Variants in DPP10 observed in about 807,000 individuals in gnomAD.
DPP10 encodes the protein dipeptidyl peptidase like 10, also known as inactive dipeptidyl peptidase 10.
DPP10 carries 33 observed loss-of-function variants against 120.9 expected under a neutral mutation model. That is an observed-to-expected ratio of 0.27 (90% confidence interval 0.21 to 0.37). DPP10 has a LOEUF of 0.37. Among genes scored for constraint, DPP10 ranks in the 10% least tolerant of loss-of-function variants. DPP10 has a pLI of 1.00. For missense variants in DPP10, 816 were observed against 942.8 expected (o/e 0.87, Z 1.76); for synonymous variants, 337 against 326.1 (o/e 1.03, Z -0.36).
chr2:115,289,098 T>C (rs1378399804), intron 1 of DPP10, among the ~76,000 whole-genome samples: 1 of 152,054 alleles, frequency 6.6e-6, no homozygotes, highest in Non-Finnish European at 1.5e-5. Context: ...CAGTAAAGGC[T>C]CGGGTTACAA....
chr2:115,054,721 G>A (rs1367982001), intron 1 of DPP10, among the ~76,000 whole-genome samples: 1 of 152,016 alleles, frequency 6.6e-6, no homozygotes, highest in Non-Finnish European at 1.5e-5. Context: ...GAGCAGCCTG[G>A]CCAATATGCT....
chr2:114,570,090 C>G (rs1299241302), intron 1 of DPP10, among the ~76,000 whole-genome samples: 1 of 152,144 alleles, frequency 6.6e-6, no homozygotes, highest in Non-Finnish European at 1.5e-5. Flanking sequence ...AAGTTTGTCT[C>G]CTTCTCTTCT....
intron 5 of DPP10, among the ~76,000 whole-genome samples, chr2:115,682,974 T>C (rs2090756529): frequency 1.3e-5 from 2 of 151,934 alleles, no homozygotes; most frequent in African/African-American, 4.8e-5. Context: ...TACTTTATTA[T>C]ACATCTTGTG....
chr2:115,586,065 G>A (rs527405566), intron 5 of DPP10, among the ~76,000 whole-genome samples: 2 of 152,278 alleles, frequency 1.3e-5, no homozygotes, highest in Non-Finnish European at 2.9e-5. Flanking sequence ...GCTCACGCCT[G>A]TAATCCCAGC....
chr2:114,532,750 A>C (rs1352280501), intron 1 of DPP10, among the ~76,000 whole-genome samples: 1 of 152,198 alleles, frequency 6.6e-6, no homozygotes, highest in Non-Finnish European at 1.5e-5. Flanking sequence ...AGAGAAGAGA[A>C]ATAGAAGTCT....
intron 1 of DPP10, among the ~76,000 whole-genome samples, chr2:114,849,577 G>A (rs973740777): frequency 2.0e-5 from 3 of 152,082 alleles, no homozygotes; most frequent in Non-Finnish European, 4.4e-5. Flanking sequence ...ACCAGCCTGA[G>A]CAAGACTCAA....
intron 1 of DPP10, among the ~76,000 whole-genome samples, chr2:115,096,938 T>G (rs893505939): frequency 6.6e-6 from 1 of 152,190 alleles, no homozygotes; most frequent in African/African-American, 2.4e-5. Context: ...ATTTCAATCC[T>G]GATAGTAATG....
chr2:115,839,929 T>C (rs1166071582), intron 24 of DPP10, among the ~76,000 whole-genome samples: 2 of 152,098 alleles, frequency 1.3e-5, no homozygotes, highest in Non-Finnish European at 2.9e-5. Flanking sequence ...AGTTAGTCCT[T>C]GTATAATGAG....
chr2:115,537,568 T>TG (rs1575124024), intron 5 of DPP10, among the ~76,000 whole-genome samples: 2 of 150,810 alleles, frequency 1.3e-5, no homozygotes, highest in Admixed American at 6.6e-5. Context: ...TCACTGTTTT[T>TG]TTTTTTTTTT....
intron 5 of DPP10, among the ~76,000 whole-genome samples, chr2:115,685,650 T>C (rs2090948551): frequency 6.6e-6 from 1 of 152,066 alleles, no homozygotes; most frequent in Admixed American, 6.6e-5. Context: ...GACACTCTTA[T>C]TTATCTTATT....
chr2:115,285,414 G>A (rs973107242), intron 1 of DPP10, among the ~76,000 whole-genome samples: 2 of 152,024 alleles, frequency 1.3e-5, no homozygotes, highest in Admixed American at 6.6e-5. Context: ...AGTATACTGG[G>A]ATGGATCATT....
Position 115,139,875 on chromosome 2 carries a change from G to GC in DPP10, c.61-169360dup, listed in dbSNP as rs574393266. ...AACTGACTCTAATGTGTGCTTCTTT[G>GC]CCCCAAACAGTCATAGGGCAGAAGG... On this transcript the variant is annotated intron_variant, in intron 1 of 25. Coordinates refer to ENST00000410059, the MANE Select transcript of DPP10 (RefSeq NM_020868.6). 9.2e-5 allele frequency among the ~76,000 whole-genome samples: 14 copies of GC among 151,926 alleles called. No homozygotes were observed. The East Asian group carries it at 2.5e-3, about 27-fold the overall frequency.
At chr2:115,225,935 C>G (rs2057413313) in intron 1 of DPP10, among the ~76,000 whole-genome samples, 1 of 151,890 alleles carries the variant, frequency 6.6e-6, no homozygotes, top group African/African-American at 2.4e-5. Context: ...CACTGTTTAC[C>G]CCACTCAGTT....
chr2:115,604,785 A>T (rs111719264), intron 5 of DPP10, among the ~76,000 whole-genome samples: 2,112 of 152,292 alleles, frequency 0.014, 22 homozygotes, highest in Middle Eastern at 0.031. Context: ...TGAAAACATA[A>T]GTAGCCACCT....
intron 1 of DPP10, among the ~76,000 whole-genome samples, chr2:114,896,166 G>A (rs1351193796): frequency 1.3e-5 from 2 of 152,154 alleles, no homozygotes; most frequent in African/African-American, 4.8e-5. Context: ...GTCAGGTAGC[G>A]TGATGCCTCC....
At chr2:114,807,087 A>C (rs1254917189) in intron 1 of DPP10, among the ~76,000 whole-genome samples, 1 of 152,222 alleles carries the variant, frequency 6.6e-6, no homozygotes, top group Non-Finnish European at 1.5e-5. Context: ...AACATAATGC[A>C]CATATGAGAA....
intron 1 of DPP10, among the ~76,000 whole-genome samples, chr2:114,484,270 G>A (rs1681309590): frequency 6.6e-6 from 1 of 152,098 alleles, no homozygotes; most frequent in Non-Finnish European, 1.5e-5. Context: ...AGATTTAAGA[G>A]CACGTTGCCT....
At chr2:115,800,320 A>T (rs200179132) in intron 19 of DPP10, among the ~76,000 whole-genome samples, 733 of 117,112 alleles carry the variant, frequency 6.3e-3, no homozygotes, top group South Asian at 9.5e-3. Context: ...AGTTCATTGT[A>T]GATTCTGGAT....
chr2:114,729,830 T>G (rs1046013245), intron 1 of DPP10, among the ~76,000 whole-genome samples: 3 of 152,160 alleles, frequency 2.0e-5, no homozygotes, highest in African/African-American at 7.2e-5. Flanking sequence ...ATAGCCTCAG[T>G]CATATTGAAC....
Sources: gnomAD v4.1 joint callset for allele counts (sites outside exome capture counted in the v4.1 genomes callset) on GRCh38, gnomAD v4.1.1 for gene constraint, MANE v1.5 for transcripts, NCBI Gene and HGNC (gene_info 2026-07-23, HGNC 2026-07-21) for gene names.